LRFN5: variants seen among roughly 807,000 people sequenced by gnomAD.
LRFN5 encodes leucine rich repeat and fibronectin type III domain containing 5, also known as leucine-rich repeat and fibronectin type-III domain-containing protein 5.
A neutral mutation model predicts 45.6 loss-of-function variants in LRFN5; 24 were observed. The observed-to-expected ratio is 0.53, with a 90% CI of 0.38 to 0.74. LRFN5 has a LOEUF of 0.74. Among genes scored for constraint, LRFN5 ranks in the 30% least tolerant of loss-of-function variants. The probability of loss-of-function intolerance (pLI) is 0.00; values close to 1 mark genes in which losing one functional copy is unlikely to be tolerated. For missense variants in LRFN5, 776 were observed against 861.5 expected (o/e 0.90, Z 1.24); for synonymous variants, 340 against 313.8 (o/e 1.08, Z -0.88).
At chr14:41,788,899 G>C (rs1886821763) in intron 2 of LRFN5, among the ~76,000 whole-genome samples, 1 of 151,918 alleles carries the variant, frequency 6.6e-6, no homozygotes, top group South Asian at 2.1e-4. Context: ...TGTTTTTCTT[G>C]TGTGAAAGTG....
intron 1 of LRFN5, among the ~76,000 whole-genome samples, chr14:41,656,672 T>C (rs1880395462): frequency 1.3e-5 from 2 of 151,848 alleles, no homozygotes; most frequent in Admixed American, 6.6e-5. Flanking sequence ...ATCAAACCCA[T>C]TGTTATGATT....
At chr14:41,702,524 A>C (rs189095296) in intron 1 of LRFN5, among the ~76,000 whole-genome samples, 10 of 152,226 alleles carry the variant, frequency 6.6e-5, no homozygotes, top group Admixed American at 6.6e-4. Flanking sequence ...GAGCAGTGAC[A>C]CAATCGTAGC....
chr14:41,828,128 A>C (rs1246952964), intron 2 of LRFN5, among the ~76,000 whole-genome samples: 1 of 152,038 alleles, frequency 6.6e-6, no homozygotes, highest in Non-Finnish European at 1.5e-5. Flanking sequence ...TTTTCTAGTC[A>C]TAAACTTTAT....
intron 1 of LRFN5, among the ~76,000 whole-genome samples, chr14:41,647,487 G>A (rs907861585): frequency 2.0e-5 from 3 of 152,132 alleles, no homozygotes; most frequent in Admixed American, 6.6e-5. Context: ...TTTTGCAGTG[G>A]GCATGAGGCT....
At chr14:41,809,768 A>G (rs1329738938) in intron 2 of LRFN5, among the ~76,000 whole-genome samples, 2 of 151,956 alleles carry the variant, frequency 1.3e-5, no homozygotes, top group Admixed American at 6.6e-5. Context: ...GATAGCATAT[A>G]GATTTATAGG....
At chr14:41,894,124 C>T in intron 4 of LRFN5, 1 of 983,702 alleles carries the variant, frequency 1.0e-6, no homozygotes, top group Non-Finnish European at 1.2e-6. Context: ...CAAAAGCTTG[C>T]AAGACTTAAA....
intron 1 of LRFN5, among the ~76,000 whole-genome samples, chr14:41,716,910 C>T (rs909328161): frequency 2.0e-5 from 3 of 152,104 alleles, no homozygotes; most frequent in Non-Finnish European, 1.5e-5. Flanking sequence ...TTTCTGTCTT[C>T]TCTCCTTCAA....
At chr14:41,650,335 A>G (rs2138617824) in intron 1 of LRFN5, among the ~76,000 whole-genome samples, 1 of 152,118 alleles carries the variant, frequency 6.6e-6, no homozygotes, top group African/African-American at 2.4e-5. Context: ...TATTAATATA[A>G]ATTGCCAATA....
chr14:41,653,883 GT>G (rs1261646770), intron 1 of LRFN5, among the ~76,000 whole-genome samples: 3 of 152,110 alleles, frequency 2.0e-5, no homozygotes, highest in African/African-American at 7.2e-5. Flanking sequence ...GGTTAATCAG[GT>G]GTGTTGTGTA....
chr14:41,863,486 C>T (rs1889737892), intron 2 of LRFN5, among the ~76,000 whole-genome samples: 2 of 152,074 alleles, frequency 1.3e-5, no homozygotes, highest in Non-Finnish European at 2.9e-5. Context: ...TCATTTAATT[C>T]AGAATGTTTT....
intron 1 of LRFN5, among the ~76,000 whole-genome samples, chr14:41,751,567 A>G (rs1364193292): frequency 6.6e-6 from 1 of 152,000 alleles, no homozygotes; most frequent in Admixed American, 6.6e-5. Context: ...TGATACATAC[A>G]ATGTATCTGT....
intron 1 of LRFN5, among the ~76,000 whole-genome samples, chr14:41,755,487 T>C (rs562369231): frequency 6.6e-6 from 1 of 152,340 alleles, no homozygotes; most frequent in African/African-American, 2.4e-5. Context: ...AGTTAGCTCT[T>C]CTTGTTGAAT....
chr14:41,758,638 G>A (rs941532432), intron 1 of LRFN5, among the ~76,000 whole-genome samples: 2 of 152,148 alleles, frequency 1.3e-5, no homozygotes, highest in African/African-American at 4.8e-5. Flanking sequence ...CAGGGTTACG[G>A]TCTAATAAAA....
intron 1 of LRFN5, among the ~76,000 whole-genome samples, chr14:41,639,971 T>A (rs1276848135): frequency 2.8e-5 from 4 of 144,246 alleles, no homozygotes; most frequent in African/African-American, 1.0e-4. Flanking sequence ...TTTTTTTTTT[T>A]TTTTTTTATT....
chr14:41,738,071 C>T (rs1340179637), intron 1 of LRFN5, among the ~76,000 whole-genome samples: 2 of 152,134 alleles, frequency 1.3e-5, no homozygotes, highest in Admixed American at 1.3e-4. Context: ...AAGCTGGAGG[C>T]ATCACATTAC....
intron 2 of LRFN5, among the ~76,000 whole-genome samples, chr14:41,878,440 T>A (rs948209366): frequency 1.3e-5 from 2 of 152,134 alleles, no homozygotes; most frequent in African/African-American, 4.8e-5. Flanking sequence ...AATCTAAATT[T>A]GCTTTTATAT....
chr14:41,749,488 G>C (rs1156740417), intron 1 of LRFN5, among the ~76,000 whole-genome samples: 1 of 152,070 alleles, frequency 6.6e-6, no homozygotes, highest in Non-Finnish European at 1.5e-5. Context: ...AGTATTCCAT[G>C]GTGTATATAG....
intron 2 of LRFN5, among the ~76,000 whole-genome samples, chr14:41,854,637 A>G (rs973919399): frequency 1.3e-5 from 2 of 152,194 alleles, no homozygotes; most frequent in Non-Finnish European, 2.9e-5. Context: ...AAAGCTCAAG[A>G]AAATAGGTTG....
At chr14:41,718,643 T>C (rs1883589397) in intron 1 of LRFN5, among the ~76,000 whole-genome samples, 1 of 152,196 alleles carries the variant, frequency 6.6e-6, no homozygotes, top group African/African-American at 2.4e-5. Flanking sequence ...CATAGTCAGT[T>C]CCCTCAAATA....
Sources: allele counts gnomAD v4.1 joint callset (sites outside exome capture counted in the v4.1 genomes callset), GRCh38; gene constraint gnomAD v4.1.1; transcripts MANE v1.5; gene names NCBI Gene and HGNC (gene_info 2026-07-23, HGNC 2026-07-21).